The following PSRC1 variants were observed in gnomAD, a reference collection of about 807,000 sequenced individuals.
The protein encoded by PSRC1 is proline/serine-rich coiled-coil protein 1.
In PSRC1, 30 loss-of-function variants were observed where a neutral mutation model predicts 31.9. The ratio of observed to expected loss-of-function variants is 0.94; its 90% confidence interval spans 0.70 to 1.28. The LOEUF (loss-of-function observed/expected upper bound fraction) is 1.28, where lower values mean the gene tolerates loss of function less well. Ranked by LOEUF, PSRC1 falls within the 50% of genes most tolerant of loss-of-function variation. PSRC1 has a pLI of 0.00. For missense variants in PSRC1, 481 were observed against 472.8 expected, an observed-to-expected ratio of 1.02 and a Z score of -0.16; for synonymous variants, 191 against 192.1, an observed-to-expected ratio of 0.99 and a Z score of 0.05.
In PSRC1 at chr1:109,281,191, G is replaced by A. The variant is rs756257081; in HGVS notation, c.580C>T (p.Arg194Ter). 1.5e-5 allele frequency: 25 copies of A among 1,613,330 alleles called. No individual in the cohort carries two copies. Among genetic ancestry groups the A allele is most frequent in the Non-Finnish European group, 1.9e-5 (23 of 1,179,720 alleles). ...CTCCCCCGGACTGGGGGAGTCGATC[G>A]GGTAAGAGGAGAAGATGCTGGGCTT... Residue 194 changes from arginine to a stop codon, truncating the protein, a stop_gained, in exon 5 of 7, where the codon CGA (arginine) becomes TGA (stop). Transcript: ENST00000409138. LOFTEE classifies it high-confidence loss of function.
chr1:109,282,554 T>C (rs369910731), exon 3 of PSRC1: 2 of 1,614,144 alleles, frequency 1.2e-6, no homozygotes, highest in Middle Eastern at 1.6e-4. Flanking sequence ...GTCCAAGGTC[T>C]CATCCACAAT....
intron 5 of PSRC1, 50 bp downstream of exon 6, chr1:109,280,727 G>T: frequency 6.9e-7 from 1 of 1,441,136 alleles, no homozygotes; most frequent in Non-Finnish European, 9.4e-7. Context: ...GCTCTGGGAG[G>T]GTGAGGACAC....
In PSRC1 at chr1:109,281,260, C is replaced by T; in HGVS notation, c.520-9G>A. 1 of 1,563,380 alleles carries T rather than the reference C, an allele frequency of 6.4e-7. No homozygotes were observed. Among genetic ancestry groups the T allele is most frequent in the Non-Finnish European group, 8.7e-7 (1 of 1,152,522 alleles). On this transcript the variant is annotated splice_polypyrimidine_tract_variant and intron_variant, in intron 4 of 6. Transcript: ENST00000409138. Reference sequence around the variant, plus strand: ...TTGCAAGTGGGTGACTCCTGAAACACAAAGAGAGAGAGAAAAAAGACTAGA... The same window carrying T: ...TTGCAAGTGGGTGACTCCTGAAACATAAAGAGAGAGAGAAAAAAGACTAGA...
At chr1:109,282,148 G>A (rs1657265306) in intron 3 of PSRC1, 88 bp from the exon 4 acceptor site, 7 of 1,231,602 alleles carry the variant, frequency 5.7e-6, no homozygotes, top group Non-Finnish European at 7.7e-6. Context: ...CCCCACAACA[G>A]AGCCAGGGAC....
rs1570827373 is a variant in PSRC1 at position 109,283,014 on chromosome 1, A to T, written c.-34+60T>A. 6 of 515,014 alleles carry T rather than the reference A, an allele frequency of 1.2e-5. No individual in the cohort carries two copies. The South Asian group carries it at 1.4e-4, about 12-fold the overall frequency. The allele number at this position is 515,014 out of a possible 1,614,324, so 31.9% of individuals were successfully genotyped here. A position where few individuals can be genotyped will look rare whatever the true frequency, so the allele number is the denominator to read the frequency against. On this transcript the variant is annotated intron_variant, in intron 1 of 6. Coordinates refer to ENST00000409138, the Ensembl canonical transcript of PSRC1. ...CCCGCCACTATCCTCAGGGTTCTGC[A>T]CTCCCCAAGCCACCTTTCCACTCCC...
rs767928623 is a variant in PSRC1 at position 109,280,093 on chromosome 1, G to A, written c.*60C>T. The A allele has an allele frequency of 1.8e-5, 29 of 1,612,524 alleles. No homozygotes were observed. In the Admixed American group the frequency reaches 3.3e-4, roughly 19 times the overall value. On this transcript the variant is annotated 3_prime_UTR_variant, in exon 7 of 7. Transcript: ENST00000409138. ...GAGTCAGGGTCTGCTGGGTAGAGGCGAGTCCAGGTACTGACTGTAGTGGTT... is the reference window on the plus strand; with the variant it reads ...GAGTCAGGGTCTGCTGGGTAGAGGCAAGTCCAGGTACTGACTGTAGTGGTT...
In PSRC1 at chr1:109,282,510, G is replaced by T; in HGVS notation, c.77+8C>A. The T allele has an allele frequency of 1.2e-6, 2 of 1,611,704 alleles. No individual in the cohort carries two copies. Among genetic ancestry groups the T allele is most frequent in the Non-Finnish European group, 8.5e-7 (1 of 1,178,310 alleles). ...AGAGGAAAATAAGTGGGATAAAGAG[G>T]CTGGTACCTGTCAGATGGTGACAGC... On this transcript the variant is annotated splice_region_variant and intron_variant, in intron 3 of 6. Transcript: ENST00000409138.
At chr1:109,280,693 T>A (rs1373777520) in intron 5 of PSRC1, 84 bp downstream of exon 6, 1 of 1,179,692 alleles carries the variant, frequency 8.5e-7, no homozygotes, top group Non-Finnish European at 1.2e-6. Context: ...GCAATAAGGA[T>A]GGCAAAAGTG....
chr1:109,282,441 C>T, intron 3 of PSRC1, 77 bp downstream of exon 3: 1 of 1,420,734 alleles, frequency 7.0e-7, no homozygotes, highest in African/African-American at 1.4e-5. Context: ...CCAACCCAAG[C>T]CAATAATTCA....
exon 4 of PSRC1, chr1:109,281,628 G>A (rs35358959): frequency 0.073 from 117,477 of 1,610,500 alleles, 4,884 homozygotes; most frequent in Non-Finnish European, 0.081. Flanking sequence ...CCCTCTTCAT[G>A]TTGGAGGGCC....
In PSRC1 at chr1:109,280,496, G is replaced by C; in HGVS notation, c.995-7C>G. On this transcript the variant is annotated splice_polypyrimidine_tract_variant and splice_region_variant and intron_variant, in intron 5 of 6. Coordinates refer to ENST00000409138, the Ensembl canonical transcript of PSRC1. ...AGTCGCTGGGAAACAGGAACTTCAT[G>C]GGGGTTAACAAAAGAAATGAGTTAG... The C allele has an allele frequency of 6.2e-7, 1 of 1,604,656 alleles. No individual in the cohort carries two copies. The highest frequency in any genetic ancestry group is 8.5e-7 in the Non-Finnish European group (1 of 1,175,362).
At chr1:109,280,001 G>T in exon 7 of PSRC1, 2 of 929,222 alleles carry the variant, frequency 2.2e-6, no homozygotes, top group Non-Finnish European at 3.5e-6. Context: ...ATTTCCCATG[G>T]TCTCTACTCC....
chr1:109,281,576 A>AC, intron 4 of PSRC1, 43 bp downstream of exon 4: 1 of 1,518,602 alleles, frequency 6.6e-7, no homozygotes, highest in South Asian at 1.2e-5. Flanking sequence ...CATGGCACAC[A>AC]CCATGTCTGG....
At chr1:109,280,016 A>G in exon 7 of PSRC1, 1 of 1,115,332 alleles carries the variant, frequency 9.0e-7, no homozygotes, top group Non-Finnish European at 1.4e-6. Context: ...TACTCCTGGG[A>G]GACCAGCCCT....
chr1:109,282,858 C>T, intron 1 of PSRC1, 122 bp from the exon 2 acceptor site: 1 of 830,656 alleles, frequency 1.2e-6, no homozygotes, highest in Non-Finnish European at 1.9e-6. Context: ...GGAGTGGCAC[C>T]TCCCGCACAG....
Position 109,281,174 on chromosome 1 carries a change from G to A in PSRC1, c.597C>T (p.Val199=), listed in dbSNP as rs115080838. ...TCCCACTGGGCCCGGCTCTCCCCCG[G>A]ACTGGGGGAGTCGATCGGGTAAGAG... is the stretch of plus-strand genomic sequence containing the variant. Residue 199 remains valine, a synonymous_variant, in exon 5 of 7, where the codon GTC becomes GTT. Coordinates refer to ENST00000409138, the Ensembl canonical transcript of PSRC1. The A allele has an allele frequency of 7.1e-4, 1,146 of 1,613,630 alleles. 12 individuals carry two copies. The East Asian group carries it at 0.02, about 28-fold the overall frequency.
At chr1:109,280,284 C>G in intron 6 of PSRC1, 112 bp downstream of exon 7, 1 of 1,410,084 alleles carries the variant, frequency 7.1e-7, no homozygotes, top group Non-Finnish European at 1.0e-6. Context: ...CCAGGCTCCC[C>G]TCCTCTCTCC....
exon 6 of PSRC1, chr1:109,280,444 C>T (rs1279314399): frequency 1.1e-5 from 18 of 1,613,330 alleles, no homozygotes; most frequent in Middle Eastern, 1.6e-4. Flanking sequence ...CAGATTGCTG[C>T]GAGTGGCACC....
At position 109,281,264 on chromosome 1, in the gene PSRC1, G is replaced by T; in HGVS notation, c.520-13C>A. The T allele has an allele frequency of 6.4e-7, 1 of 1,551,114 alleles. No homozygotes were observed. Among genetic ancestry groups the T allele is most frequent in the South Asian group, 1.2e-5 (1 of 85,182 alleles). On this transcript the variant is annotated splice_polypyrimidine_tract_variant and intron_variant, in intron 4 of 6. Coordinates refer to ENST00000409138, the Ensembl canonical transcript of PSRC1. ...AAGTGGGTGACTCCTGAAACACAAAGAGAGAGAGAAAAAAGACTAGAGTGG... is the reference window on the plus strand; with the variant it reads ...AAGTGGGTGACTCCTGAAACACAAATAGAGAGAGAAAAAAGACTAGAGTGG...
Sources: allele counts gnomAD v4.1 joint callset, GRCh38; gene constraint gnomAD v4.1.1; transcripts MANE v1.5; gene names NCBI Gene and HGNC (gene_info 2026-07-23, HGNC 2026-07-21).